ATP8B4: variants seen among roughly 807,000 people sequenced by gnomAD.
The protein encoded by ATP8B4 is probable phospholipid-transporting ATPase IM.
Under a neutral mutation model 145.6 loss-of-function variants are expected in ATP8B4, and 133 were observed. The ratio of observed to expected loss-of-function variants is 0.91; its 90% CI spans 0.79 to 1.05. ATP8B4 has a LOEUF of 1.05. Ranked by LOEUF, ATP8B4 falls within the 50% of genes least tolerant of loss-of-function variation. The pLI is 0.00. For synonymous variants in ATP8B4, 507 were observed against 492.9 expected (o/e 1.03, Z -0.38); for missense variants, 1,458 against 1,425.2 (o/e 1.02, Z -0.37).
chr15:50,034,228 GTTTTTTTTTTT>G (rs35916300), intron 6 of ATP8B4, among the ~76,000 whole-genome samples: 2 of 123,740 alleles, frequency 1.6e-5, no homozygotes, highest in Non-Finnish European at 3.4e-5. Flanking sequence ...TCCTTTCCTT[GTTTTTTTTTTT>G]TTTTTTTTTA....
chr15:50,129,448 C>T (rs2057329896), intron 1 of ATP8B4, among the ~76,000 whole-genome samples: 1 of 152,060 alleles, frequency 6.6e-6, no homozygotes, highest in African/African-American at 2.4e-5. Flanking sequence ...GCTTGTAGAC[C>T]CATCCCTCCA....
chr15:50,055,599 A>G (rs1489825365), intron 3 of ATP8B4, among the ~76,000 whole-genome samples: 1 of 152,096 alleles, frequency 6.6e-6, no homozygotes, highest in Non-Finnish European at 1.5e-5. Context: ...CAACTATAAA[A>G]AGTAACCTTC....
chr15:50,170,319 G>T (rs991663797), intron 1 of ATP8B4, among the ~76,000 whole-genome samples: 12 of 152,158 alleles, frequency 7.9e-5, no homozygotes, highest in African/African-American at 2.7e-4. Context: ...ATTAACAGCA[G>T]ATTTCTCAGC....
At chr15:50,118,070 C>T (rs1370208628) in intron 1 of ATP8B4, among the ~76,000 whole-genome samples, 1 of 151,974 alleles carries the variant, frequency 6.6e-6, no homozygotes, top group African/African-American at 2.4e-5. Flanking sequence ...ATAGAAGGAA[C>T]AGGTTCTAGT....
chr15:50,149,194 T>C (rs1057475952), intron 1 of ATP8B4, among the ~76,000 whole-genome samples: 4 of 152,204 alleles, frequency 2.6e-5, no homozygotes, highest in Non-Finnish European at 5.9e-5. Flanking sequence ...CCTAAGATAA[T>C]GCCATGATTG....
In ATP8B4 at chr15:49,866,995, AC is replaced by A. The variant is rs547247649; in HGVS notation, c.3028-512del. Among the ~76,000 whole-genome samples, 3 of 152,322 alleles carry A rather than the reference AC, an allele frequency of 2.0e-5. No individual in the cohort carries two copies. The East Asian group carries it at 5.8e-4, about 29-fold the overall frequency. On this transcript the variant is annotated intron_variant, in intron 25 of 27. Transcript: ENST00000284509. ...TTTCTCTTCAATTACTCAACTTATAACAAAGAAAATTCTTCAGCCTTATTTT... is the reference window on the plus strand; with the variant it reads ...TTTCTCTTCAATTACTCAACTTATAAAAAGAAAATTCTTCAGCCTTATTTT...
intron 14 of ATP8B4, among the ~76,000 whole-genome samples, chr15:49,936,919 A>G (rs989716635): frequency 6.6e-6 from 1 of 151,112 alleles, no homozygotes; most frequent in Non-Finnish European, 1.5e-5. Flanking sequence ...TGGTTTGTCA[A>G]GATTTTTTTT....
intron 3 of ATP8B4, among the ~76,000 whole-genome samples, chr15:50,049,673 T>A (rs1477200192): frequency 6.6e-6 from 1 of 152,160 alleles, no homozygotes; most frequent in African/African-American, 2.4e-5. Context: ...ACCCAGTAAT[T>A]GGATTGCTGG....
intron 5 of ATP8B4, among the ~76,000 whole-genome samples, chr15:50,039,918 A>G (rs1047871898): frequency 2.6e-5 from 4 of 152,242 alleles, no homozygotes; most frequent in African/African-American, 4.8e-5. Flanking sequence ...CAAGCTGTTT[A>G]GCATTTGTTA....
At chr15:50,064,701 A>G (rs929511008) in intron 3 of ATP8B4, among the ~76,000 whole-genome samples, 19 of 152,194 alleles carry the variant, frequency 1.2e-4, no homozygotes, top group African/African-American at 4.6e-4. Flanking sequence ...CTGGTAATTT[A>G]TAAAGACAAG....
intron 3 of ATP8B4, among the ~76,000 whole-genome samples, chr15:50,066,062 G>A (rs1012520154): frequency 3.5e-4 from 52 of 148,300 alleles, no homozygotes; most frequent in African/African-American, 1.2e-3. Flanking sequence ...GAAACCAGAC[G>A]AATGCTTAGC....
At chr15:50,172,892 A>T (rs930843732) in intron 1 of ATP8B4, among the ~76,000 whole-genome samples, 1 of 148,510 alleles carries the variant, frequency 6.7e-6, no homozygotes, top group Non-Finnish European at 1.5e-5. Context: ...AGAAGTGAGG[A>T]GCCCCTCCGT....
At chr15:49,954,089 C>T (rs764640396) in intron 14 of ATP8B4, among the ~76,000 whole-genome samples, 4 of 152,088 alleles carry the variant, frequency 2.6e-5, no homozygotes, top group African/African-American at 4.8e-5. Context: ...TTTATGGGAG[C>T]CTCTGAATGT....
intron 26 of ATP8B4, 46 bp downstream of exon 26, chr15:49,866,300 A>C: frequency 6.3e-7 from 1 of 1,587,864 alleles, no homozygotes; most frequent in Non-Finnish European, 8.6e-7. Flanking sequence ...AAGACAAGTA[A>C]ACAGCAGCAG....
rs1286086536 is a variant in ATP8B4 at position 50,086,291 on chromosome 15, AT to A, written c.29-12107del. On this transcript the variant is annotated intron_variant, in intron 2 of 27. Transcript: ENST00000284509. ...ATAATAAAATAATATAGAGATCTAT[AT>A]TTATTATATATAATAAAATAATATA... Among the ~76,000 whole-genome samples, 262 of 80,424 alleles carry A rather than the reference AT, an allele frequency of 3.3e-3. 14 individuals are homozygous for A. Among genetic ancestry groups the A allele is most frequent in the African/African-American group, 0.017 (251 of 14,406 alleles). The allele number at this position is 80,424 out of a possible 152,430, so 52.8% of individuals were successfully genotyped here.
intron 6 of ATP8B4, among the ~76,000 whole-genome samples, chr15:50,028,518 C>T (rs1288492032): frequency 6.6e-6 from 1 of 152,130 alleles, no homozygotes; most frequent in Non-Finnish European, 1.5e-5. Context: ...CTTTTGAGAG[C>T]TGCACATTCC....
At chr15:50,030,585 G>A (rs138445242) in intron 6 of ATP8B4, among the ~76,000 whole-genome samples, 1 of 152,300 alleles carries the variant, frequency 6.6e-6, no homozygotes, top group Non-Finnish European at 1.5e-5. Context: ...GGGATTTCAT[G>A]TTGCTGGCTA....
chr15:49,882,823 A>G (rs1435572329), intron 23 of ATP8B4, among the ~76,000 whole-genome samples: 2 of 152,196 alleles, frequency 1.3e-5, no homozygotes, highest in African/African-American at 4.8e-5. Context: ...GGTGTTTGGA[A>G]ATGTTATATT....
At chr15:50,140,423 T>A (rs542561989) in intron 1 of ATP8B4, among the ~76,000 whole-genome samples, 1 of 152,266 alleles carries the variant, frequency 6.6e-6, no homozygotes, top group South Asian at 2.1e-4. Flanking sequence ...CATAATTATA[T>A]CCCTGTCTAC....
Sources: gnomAD v4.1 joint callset for allele counts (sites outside exome capture counted in the v4.1 genomes callset) on GRCh38, gnomAD v4.1.1 for gene constraint, MANE v1.5 for transcripts, NCBI Gene and HGNC (gene_info 2026-07-23, HGNC 2026-07-21) for gene names.